Variants in CHIC2 observed in about 807,000 individuals in gnomAD.
CHIC2 encodes cysteine-rich hydrophobic domain-containing protein 2.
In CHIC2, 14 loss-of-function variants were observed where a neutral mutation model predicts 25.9. That is an observed-to-expected ratio of 0.54 (90% CI 0.36 to 0.85). The LOEUF (loss-of-function observed/expected upper bound fraction) is 0.85. Among genes scored for constraint, CHIC2 ranks in the 40% least tolerant of loss-of-function variants. The probability of loss-of-function intolerance (pLI) is 0.01; values close to 1 mark genes in which losing one functional copy is unlikely to be tolerated. For missense variants in CHIC2, 146 were observed against 202.0 expected, an observed-to-expected ratio of 0.72 and a Z score of 1.68; for synonymous variants, 70 against 72.0, an observed-to-expected ratio of 0.97 and a Z score of 0.14.
chr4:54,056,305 A>G (rs1490426410), intron 1 of CHIC2, among the ~76,000 whole-genome samples: 1 of 152,208 alleles, frequency 6.6e-6, no homozygotes, highest in Admixed American at 6.5e-5. Context: ...GAACTACAGA[A>G]AAAAGATTTT....
In CHIC2 at chr4:54,010,139, G is replaced by T; in HGVS notation, c.454C>A (p.Leu152Ile). Residue 152 changes from leucine (L) to isoleucine (I), a missense_variant, in exon 6 of 6, where the codon CTC (leucine) becomes ATC (isoleucine). Coordinates refer to ENST00000263921, the MANE Select transcript of CHIC2 (RefSeq NM_012110.4). The part of the protein sequence containing the change: ...ETNNMMEYVI[L>I]IEFLPKTPIF... ...GGTGTCTTTGGTAAAAATTCTATGA[G>T]GATGACCTGTAAAAGGAGAAGAAAA... 6.2e-7 allele frequency: 1 copy of T among 1,605,132 alleles called. No homozygotes were observed.
the CHIC2 span, among the ~76,000 whole-genome samples, chr4:54,089,874 T>A: frequency 2.0e-5 from 3 of 152,162 alleles, no homozygotes; most frequent in Non-Finnish European, 2.9e-5. Flanking sequence ...AATTTGCAAC[T>A]TATTGAGCAC....
Position 54,064,165 on chromosome 4 carries a change from C to T in CHIC2, c.119+17G>A. 6.3e-7 allele frequency: 1 copy of T among 1,592,286 alleles called. No homozygotes were observed. Among genetic ancestry groups the T allele is most frequent in the East Asian group, 2.3e-5 (1 of 43,834 alleles). On this transcript the variant is annotated intron_variant, in intron 1 of 5. Transcript: ENST00000263921. The surrounding 1 kb of genome is among the most constrained non-coding windows in gnomAD (Gnocchi z 4.2). ...CCCAGCCCGCACCTCCCGCCCTCGCCCTCCTCCGGGCCTTACACGGTGACG... is the reference window on the plus strand; with the variant it reads ...CCCAGCCCGCACCTCCCGCCCTCGCTCTCCTCCGGGCCTTACACGGTGACG...
the CHIC2 span, among the ~76,000 whole-genome samples, chr4:54,078,084 T>C: frequency 6.6e-6 from 1 of 152,230 alleles, no homozygotes; most frequent in Admixed American, 6.5e-5. Flanking sequence ...AACCCATGAA[T>C]GTAATGTGTC....
At chr4:54,052,289 A>G (rs1717026855) in intron 1 of CHIC2, among the ~76,000 whole-genome samples, 1 of 152,190 alleles carries the variant, frequency 6.6e-6, no homozygotes, top group Admixed American at 6.6e-5. Context: ...TAAACCACTT[A>G]ATTTTGACAA....
At chr4:54,022,352 G>A (rs981520809) in intron 3 of CHIC2, among the ~76,000 whole-genome samples, 3 of 152,040 alleles carry the variant, frequency 2.0e-5, no homozygotes, top group Non-Finnish European at 4.4e-5. Context: ...ACAGTGGAGG[G>A]TAAGTCCGTC....
chr4:54,073,862 G>T, the CHIC2 span, among the ~76,000 whole-genome samples: 1 of 152,112 alleles, frequency 6.6e-6, no homozygotes, highest in Non-Finnish European at 1.5e-5. Flanking sequence ...AATTTTTAAA[G>T]TCGTAGGTTT....
chr4:54,079,513 C>T, the CHIC2 span, among the ~76,000 whole-genome samples: 65 of 151,936 alleles, frequency 4.3e-4, no homozygotes, highest in South Asian at 0.01. Flanking sequence ...TTAGAAACCA[C>T]GTATCAGAGA....
chr4:54,048,834 A>T (rs1716911353), intron 3 of CHIC2, 121 bp downstream of exon 3: 1 of 812,986 alleles, frequency 1.2e-6, no homozygotes, highest in Non-Finnish European at 1.8e-6. Flanking sequence ...CCTGGATCAG[A>T]TTATTTTCAT....
intron 3 of CHIC2, among the ~76,000 whole-genome samples, chr4:54,015,465 A>G (rs138752868): frequency 2.0e-4 from 30 of 152,292 alleles, no homozygotes; most frequent in Non-Finnish European, 3.7e-4. Flanking sequence ...AGTTATGGTC[A>G]CACTTTTTGT....
At chr4:54,046,295 A>C (rs536078833) in intron 3 of CHIC2, among the ~76,000 whole-genome samples, 1 of 152,284 alleles carries the variant, frequency 6.6e-6, no homozygotes. Context: ...AATTGGAAAA[A>C]ACTACTTTAA....
rs1715788940 is a variant in CHIC2 at position 54,017,985 on chromosome 4, T to C, written c.331-3866A>G. ...TATCATTTCAATTACTGAATAGGTA[T>C]TAAACAGACTTAAGTTGAGCAACAA... On this transcript the variant is annotated intron_variant, in intron 3 of 5. Transcript: ENST00000263921. Among the ~76,000 whole-genome samples the C allele has an allele frequency of 2.0e-5, 3 of 152,198 alleles. No homozygotes were observed. The South Asian group carries it at 6.2e-4, about 32-fold the overall frequency.
In CHIC2 at chr4:54,016,162, G is replaced by A. The variant is rs148433728; in HGVS notation, c.331-2043C>T. On this transcript the variant is annotated intron_variant, in intron 3 of 5. Coordinates refer to ENST00000263921, the MANE Select transcript of CHIC2 (RefSeq NM_012110.4). ...AACTAGAGCAGAACAAGTTTTCCAA[G>A]CCCACTGTTTTATATTAATGTATAA... Among the ~76,000 whole-genome samples the A allele has an allele frequency of 3.1e-3, 477 of 152,160 alleles. 5 individuals carry two copies. Among genetic ancestry groups the A allele is most frequent in the African/African-American group, 0.011 (462 of 41,522 alleles).
the CHIC2 span, among the ~76,000 whole-genome samples, chr4:54,084,837 G>T: frequency 1.3e-5 from 2 of 151,636 alleles, no homozygotes; most frequent in Admixed American, 6.6e-5. Flanking sequence ...GTGTATACCT[G>T]CAATCTCAGC....
At chr4:54,081,495 A>G in the CHIC2 span, among the ~76,000 whole-genome samples, 1 of 152,134 alleles carries the variant, frequency 6.6e-6, no homozygotes, top group African/African-American at 2.4e-5. Context: ...CAAATATTCT[A>G]TTCTACTTAT....
intron 3 of CHIC2, among the ~76,000 whole-genome samples, chr4:54,016,002 T>C (rs1715727801): frequency 6.6e-6 from 1 of 152,212 alleles, no homozygotes; most frequent in South Asian, 2.1e-4. Flanking sequence ...GCTAAACCAA[T>C]GGCAAAACCG....
Position 54,064,096 on chromosome 4 carries a change from C to A in CHIC2, c.119+86G>T. The stretch of plus-strand genomic sequence containing the variant: ...CTTTCGGAAGGCCCCCGACACCAGA[C>A]GGACACAGGGGAAACGGGGCTCCCG... On this transcript the variant is annotated intron_variant, in intron 1 of 5. Transcript: ENST00000263921. This position sits in a 1 kb window ranked among gnomAD's most constrained non-coding sequence, Gnocchi z 4.2. 8.5e-6 allele frequency: 10 copies of A among 1,179,242 alleles called. No homozygotes were observed. The highest frequency in any genetic ancestry group is 1.3e-5 in the South Asian group (1 of 74,302). The allele number at this position is 1,179,242 out of a possible 1,614,324, so 73.0% of individuals were successfully genotyped here.
chr4:54,086,315 G>T, the CHIC2 span, among the ~76,000 whole-genome samples: 9 of 152,170 alleles, frequency 5.9e-5, no homozygotes, highest in African/African-American at 2.2e-4. Flanking sequence ...GATGATGATA[G>T]TAATAAGATG....
At chr4:54,028,633 C>G (rs1716130344) in intron 3 of CHIC2, among the ~76,000 whole-genome samples, 1 of 152,146 alleles carries the variant, frequency 6.6e-6, no homozygotes, top group Non-Finnish European at 1.5e-5. Context: ...ATGTAATGTG[C>G]CTTGCTAATA....
Sources: allele counts gnomAD v4.1 joint callset (sites outside exome capture counted in the v4.1 genomes callset), GRCh38; gene constraint gnomAD v4.1.1; non-coding constraint Gnocchi (gnomAD v3.1); transcripts MANE v1.5; gene names NCBI Gene and HGNC (gene_info 2026-07-23, HGNC 2026-07-21).